The following PHF2 variants were observed in gnomAD, a reference collection of about 807,000 sequenced individuals.
The protein encoded by PHF2 is PHD finger protein 2, also known as lysine-specific demethylase PHF2.
PHF2 carries 27 observed loss-of-function variants against 120.5 expected under a neutral mutation model. The observed-to-expected ratio is 0.22, with a 90% confidence interval of 0.17 to 0.31. PHF2 has a LOEUF of 0.31. Ranked by LOEUF, PHF2 falls within the 10% of genes least tolerant of loss-of-function variation. The pLI is 1.00. For synonymous variants in PHF2, 568 were observed against 592.5 expected (o/e 0.96, Z 0.60); for missense variants, 1,024 against 1,434.8 (o/e 0.71, Z 4.63).
chr9:93,646,916 G>T (rs989909816), intron 4 of PHF2, among the ~76,000 whole-genome samples: 1 of 152,228 alleles, frequency 6.6e-6, no homozygotes, highest in African/African-American at 2.4e-5. Flanking sequence ...GATTCTGTGG[G>T]GTTCTTACTG....
intron 3 of PHF2, among the ~76,000 whole-genome samples, chr9:93,644,527 C>T (rs564998853): frequency 1.3e-5 from 2 of 152,278 alleles, no homozygotes; most frequent in African/African-American, 2.4e-5. Flanking sequence ...ACTGTCTGTC[C>T]GCGTCAGAGG....
In PHF2 at chr9:93,666,069, C is replaced by T. The variant is rs749143605; in HGVS notation, c.2187+9C>T. The T allele has an allele frequency of 6.2e-7, 1 of 1,610,264 alleles. No individual in the cohort carries two copies. Among genetic ancestry groups the T allele is most frequent in the Non-Finnish European group, 8.5e-7 (1 of 1,177,498 alleles). Reference sequence around the variant, plus strand: ...ACTCGGCAGCGTACAAGGTGAGCTGCCTTACAGGCCCCCCTCAGTCTCGGG... The same window carrying T: ...ACTCGGCAGCGTACAAGGTGAGCTGTCTTACAGGCCCCCCTCAGTCTCGGG... On this transcript the variant is annotated intron_variant, in intron 16 of 21. Coordinates refer to ENST00000359246, the MANE Select transcript of PHF2 (RefSeq NM_005392.4).
intron 18 of PHF2, among the ~76,000 whole-genome samples, chr9:93,674,364 G>C (rs1826869272): frequency 6.6e-6 from 1 of 152,096 alleles, no homozygotes; most frequent in Admixed American, 6.5e-5. Context: ...AGGCAGGGTG[G>C]GGGCTGTCAG....
At chr9:93,601,687 T>A (rs1825441198) in intron 1 of PHF2, among the ~76,000 whole-genome samples, 1 of 151,880 alleles carries the variant, frequency 6.6e-6, no homozygotes, top group Non-Finnish European at 1.5e-5. Context: ...CTTGGGAAGG[T>A]GTGTGCAGAG....
intron 3 of PHF2, among the ~76,000 whole-genome samples, chr9:93,644,512 C>G (rs1395177559): frequency 2.6e-5 from 4 of 152,148 alleles, no homozygotes; most frequent in African/African-American, 9.7e-5. Flanking sequence ...ATTCTCACAC[C>G]TGCCACTGTC....
Position 93,656,747 on chromosome 9 carries a change from C to T in PHF2, c.1147+152C>T, listed in dbSNP as rs1826467787. 4 of 631,168 alleles carry T rather than the reference C, an allele frequency of 6.3e-6. No individual in the cohort carries two copies. The highest frequency in any genetic ancestry group is 1.1e-5 in the Non-Finnish European group (4 of 352,732). 39.1% of individuals were successfully genotyped at this position (631,168 alleles called of 1,614,324 possible). A position where few individuals can be genotyped will look rare whatever the true frequency, so the allele number is the denominator to read the frequency against. ...GACTCAGACCCCTGGGGCTCAGTTT[C>T]CCCATCTGTATAATGCAGGACTAGA... On this transcript the variant is annotated intron_variant, in intron 9 of 21. Coordinates refer to ENST00000359246, the MANE Select transcript of PHF2 (RefSeq NM_005392.4). This position sits in a 1 kb window ranked among gnomAD's most constrained non-coding sequence, Gnocchi z 4.1.
rs184409511 is a variant in PHF2 at position 93,599,073 on chromosome 9, C to T, written c.98+22202C>T. Among the ~76,000 whole-genome samples the T allele has an allele frequency of 2.0e-4, 30 of 152,286 alleles. No individual in the cohort carries two copies. In the East Asian group the frequency reaches 2.7e-3, roughly 14 times the overall value. On this transcript the variant is annotated intron_variant, in intron 1 of 21. Transcript: ENST00000359246. ...TTCTTGTGTCCAGCACAGGTCTCAG[C>T]GAGCTAGTCCCGTGTCCATCTCCAT...
chr9:93,591,625 G>T (rs1825226700), intron 1 of PHF2, among the ~76,000 whole-genome samples: 1 of 152,186 alleles, frequency 6.6e-6, no homozygotes, highest in Non-Finnish European at 1.5e-5. Context: ...TGAAATCACT[G>T]TAACAGAATT....
chr9:93,614,152 T>C (rs1825683829), intron 1 of PHF2, among the ~76,000 whole-genome samples: 1 of 152,234 alleles, frequency 6.6e-6, no homozygotes, highest in South Asian at 2.1e-4. Context: ...TGAGTGACTT[T>C]GGCTTACAGG....
At chr9:93,582,468 C>T (rs766342123) in intron 1 of PHF2, among the ~76,000 whole-genome samples, 42 of 152,204 alleles carry the variant, frequency 2.8e-4, no homozygotes, top group South Asian at 6.2e-4. Context: ...GGGTCTCTCG[C>T]TGTAGTGCCT....
chr9:93,598,453 C>T (rs1825373846), intron 1 of PHF2, among the ~76,000 whole-genome samples: 1 of 152,092 alleles, frequency 6.6e-6, no homozygotes, highest in Non-Finnish European at 1.5e-5. Context: ...GCTGGATGTA[C>T]CACCCTTCCA....
At chr9:93,674,037 G>A (rs919064036) in intron 18 of PHF2, among the ~76,000 whole-genome samples, 175 bp downstream of exon 18, 26 of 152,196 alleles carry the variant, frequency 1.7e-4, no homozygotes, top group African/African-American at 4.8e-5. Flanking sequence ...GAGACTGGCC[G>A]GGGCCCACAT....
At chr9:93,586,886 G>A (rs1467530374) in intron 1 of PHF2, among the ~76,000 whole-genome samples, 1 of 152,228 alleles carries the variant, frequency 6.6e-6, no homozygotes, top group Non-Finnish European at 1.5e-5. Context: ...AGCCGCCTGC[G>A]AGTCTGTGCC....
chr9:93,673,549 G>A lies in PHF2; in HGVS notation c.2349-36G>A, dbSNP rs766338671. ...TAAGTGCCTGGGCTGCAGGCCAAGA[G>A]CACTGGGCTGAGTGCCTGTCTCTCT... On this transcript the variant is annotated intron_variant, in intron 17 of 21. Transcript: ENST00000359246. 33 of 1,521,552 alleles carry A rather than the reference G, an allele frequency of 2.2e-5. No individual in the cohort carries two copies. In the East Asian group the frequency reaches 6.2e-4, roughly 28 times the overall value. 94.3% of individuals were successfully genotyped at this position (1,521,552 alleles called of 1,614,324 possible).
At chr9:93,627,492 A>ATTTGTTTTTTTTTTTTTTTTTTTTT (rs1825932010) in intron 1 of PHF2, among the ~76,000 whole-genome samples, 1 of 108,176 alleles carries the variant, frequency 9.2e-6, no homozygotes. Context: ...TTATTTCAGG[A>ATTTGTTTTTTTTTTTTTTTTTTTTT]TTTTTTTTTT....
intron 4 of PHF2, among the ~76,000 whole-genome samples, chr9:93,648,473 G>A (rs920423995): frequency 2.0e-5 from 3 of 152,212 alleles, no homozygotes; most frequent in Admixed American, 6.5e-5. Context: ...TGGCCTTGCA[G>A]TTTGTGGTCA....
chr9:93,670,574 G>A (rs1385922614), intron 17 of PHF2, among the ~76,000 whole-genome samples: 2 of 152,318 alleles, frequency 1.3e-5, no homozygotes, highest in Non-Finnish European at 2.9e-5. Flanking sequence ...GCAGGGCCCT[G>A]TGAAGAGGCC....
intron 1 of PHF2, among the ~76,000 whole-genome samples, chr9:93,612,929 C>T (rs370378898): frequency 6.6e-6 from 1 of 152,244 alleles, no homozygotes; most frequent in Non-Finnish European, 1.5e-5. Flanking sequence ...GGGGACTTCT[C>T]TCTAATTGCA....
intron 12 of PHF2, 97 bp downstream of exon 12, chr9:93,660,657 C>G: frequency 8.2e-7 from 1 of 1,225,194 alleles, no homozygotes; most frequent in Non-Finnish European, 1.1e-6. Flanking sequence ...GCCCATTGTC[C>G]TTGTTCCCCA....
Sources: gnomAD v4.1 joint callset for allele counts (sites outside exome capture counted in the v4.1 genomes callset) on GRCh38, gnomAD v4.1.1 for gene constraint, Gnocchi (gnomAD v3.1) non-coding constraint, MANE v1.5 for transcripts, NCBI Gene and HGNC (gene_info 2026-07-23, HGNC 2026-07-21) for gene names.